Variants in HEATR4 observed in about 807,000 individuals in gnomAD.
The protein encoded by HEATR4 is HEAT repeat containing 4.
HEATR4 carries 95 observed loss-of-function variants against 108.8 expected under a neutral mutation model. That is an observed-to-expected ratio of 0.87 (90% CI 0.74 to 1.04). The LOEUF (loss-of-function observed/expected upper bound fraction) is 1.04, where lower values mean the gene tolerates loss of function less well. Among genes scored for constraint, HEATR4 ranks in the 50% least tolerant of loss-of-function variants. The probability of loss-of-function intolerance (pLI) is 0.00; values close to 1 mark genes in which losing one functional copy is unlikely to be tolerated. For synonymous variants in HEATR4, 443 were observed against 459.4 expected, an observed-to-expected ratio of 0.96 and a Z score of 0.46; for missense variants, 1,152 against 1,253.8, an observed-to-expected ratio of 0.92 and a Z score of 1.23.
At chr14:73,507,063 A>G (rs1017890975) in intron 9 of HEATR4, among the ~76,000 whole-genome samples, 15 of 152,022 alleles carry the variant, frequency 9.9e-5, no homozygotes, top group Non-Finnish European at 2.2e-4. Flanking sequence ...TCGGCCTCCC[A>G]AAGTGCTGGG....
chr14:73,521,081 G>A, intron 3 of HEATR4, 42 bp from the exon 4 acceptor site: 1 of 1,538,914 alleles, frequency 6.5e-7, no homozygotes. Context: ...GGAAAGAGTA[G>A]GAGGTGGATC....
At chr14:73,546,285 A>G (rs1426812823) in intron 1 of HEATR4, among the ~76,000 whole-genome samples, 1 of 114,656 alleles carries the variant, frequency 8.7e-6, no homozygotes, top group Non-Finnish European at 1.9e-5. Context: ...TTGGCAAAAA[A>G]ATGTTTTAAT....
chr14:73,591,946 G>A, the HEATR4 span: 6 of 1,361,478 alleles, frequency 4.4e-6, no homozygotes, highest in Non-Finnish European at 5.7e-6. Flanking sequence ...TGAATTCCCC[G>A]CTCCGGCTCC....
chr14:73,619,919 CTTTTTTT>C, the HEATR4 span: 21 of 1,174,848 alleles, frequency 1.8e-5, no homozygotes, highest in East Asian at 2.8e-5. Flanking sequence ...TTTCTTTTCT[CTTTTTTT>C]TTTTTTTTCC....
upstream of HEATR4, among the ~76,000 whole-genome samples, chr14:73,563,757 T>C (rs183996708): frequency 8.4e-4 from 127 of 151,632 alleles, 1 homozygote; most frequent in African/African-American, 2.9e-3. Context: ...GAGACCAGAG[T>C]TCGAGACCAG....
chr14:73,593,176 T>A, the HEATR4 span, among the ~76,000 whole-genome samples: 3 of 152,192 alleles, frequency 2.0e-5, no homozygotes, highest in Non-Finnish European at 4.4e-5. Flanking sequence ...AGGTCACACT[T>A]CAGACTCCAC....
chr14:73,482,516 C>T (rs773196463), intron 17 of HEATR4, among the ~76,000 whole-genome samples: 6 of 150,340 alleles, frequency 4.0e-5, no homozygotes, highest in Non-Finnish European at 5.9e-5. Context: ...AGCCAGACTT[C>T]GAGACTCCAT....
At chr14:73,576,022 A>G in the HEATR4 span, among the ~76,000 whole-genome samples, 1 of 151,902 alleles carries the variant, frequency 6.6e-6, no homozygotes, top group East Asian at 1.9e-4. Context: ...GCGTGGTGGC[A>G]GGCACCTGTA....
chr14:73,515,540 C>T (rs1177446588), intron 5 of HEATR4, among the ~76,000 whole-genome samples: 1 of 151,486 alleles, frequency 6.6e-6, no homozygotes, highest in Non-Finnish European at 1.5e-5. Context: ...ATTTGCTAGG[C>T]GTGGTGGTGG....
At chr14:73,506,199 G>A (rs912144442) in intron 10 of HEATR4, among the ~76,000 whole-genome samples, 4 of 152,032 alleles carry the variant, frequency 2.6e-5, no homozygotes, top group Admixed American at 6.6e-5. Flanking sequence ...TACTATAAAC[G>A]TTTCTAAACT....
chr14:73,573,337 A>C, the HEATR4 span: 2 of 1,611,532 alleles, frequency 1.2e-6, no homozygotes, highest in Non-Finnish European at 1.7e-6. Context: ...TAAACCATCC[A>C]ACTGTTTCAG....
intron 16 of HEATR4, 188 bp from the exon 17 acceptor site, chr14:73,493,312 G>A (rs1337793434): frequency 3.5e-6 from 2 of 568,398 alleles, no homozygotes; most frequent in Admixed American, 3.4e-5. Flanking sequence ...TCTTTTTCAT[G>A]GGCGGGTCGG....
chr14:73,523,234 G>C lies in HEATR4; in HGVS notation c.-72-10C>G. 7.4e-7 allele frequency: 1 copy of C among 1,356,548 alleles called. No homozygotes were observed. Among genetic ancestry groups the C allele is most frequent in the East Asian group, 2.5e-5 (1 of 39,860 alleles). 84.0% of individuals were successfully genotyped at this position (1,356,548 alleles called of 1,614,324 possible). A position where few individuals can be genotyped will look rare whatever the true frequency, so the allele number is the denominator to read the frequency against. Reference sequence around the variant, plus strand: ...AGATGAGACCTGGCACCTGTTAAGGGAATGGGAGGAACTGATGAGAACTCT... The same window carrying C: ...AGATGAGACCTGGCACCTGTTAAGGCAATGGGAGGAACTGATGAGAACTCT... On this transcript the variant is annotated splice_polypyrimidine_tract_variant and intron_variant, in intron 2 of 17. Coordinates refer to ENST00000553558, the MANE Select transcript of HEATR4 (RefSeq NM_001220484.1).
At chr14:73,587,999 C>T in the HEATR4 span, among the ~76,000 whole-genome samples, 4 of 151,100 alleles carry the variant, frequency 2.6e-5, no homozygotes, top group African/African-American at 9.8e-5. Flanking sequence ...CATTTTATTT[C>T]TCTCATTTTT....
intron 2 of HEATR4, among the ~76,000 whole-genome samples, chr14:73,528,308 C>T (rs571713154): frequency 7.1e-6 from 1 of 140,776 alleles, no homozygotes; most frequent in Admixed American, 8.0e-5. Context: ...GGCAGAATCG[C>T]TTGAAGCTGG....
chr14:73,501,569 C>CTTTT (rs1204245183), intron 11 of HEATR4, among the ~76,000 whole-genome samples: 26 of 108,132 alleles, frequency 2.4e-4, no homozygotes, highest in African/African-American at 6.3e-4. Context: ...GTCTCTCTCT[C>CTTTT]TTTTTTTTTT....
At chr14:73,619,643 A>C in the HEATR4 span, 1 of 1,614,224 alleles carries the variant, frequency 6.2e-7, no homozygotes, top group Non-Finnish European at 8.5e-7. Context: ...TGTTACCCAG[A>C]AACTGGTCAC....
At chr14:73,616,177 A>G in the HEATR4 span, among the ~76,000 whole-genome samples, 26 of 152,060 alleles carry the variant, frequency 1.7e-4, no homozygotes, top group Non-Finnish European at 2.9e-4. Context: ...TATGTTGCCC[A>G]GGCTGGTCGT....
At chr14:73,586,410 AT>A in the HEATR4 span, among the ~76,000 whole-genome samples, 25 of 123,918 alleles carry the variant, frequency 2.0e-4, no homozygotes, top group East Asian at 8.6e-4. Flanking sequence ...GAAAAAAAAA[AT>A]TTTTTTTTAG....
Sources: gnomAD v4.1 joint callset for allele counts (sites outside exome capture counted in the v4.1 genomes callset) on GRCh38, gnomAD v4.1.1 for gene constraint, MANE v1.5 for transcripts, NCBI Gene and HGNC (gene_info 2026-07-23, HGNC 2026-07-21) for gene names.